FSTL4: variants seen among roughly 807,000 people sequenced by gnomAD.
FSTL4 encodes follistatin like 4.
A neutral mutation model predicts 78.2 loss-of-function variants in FSTL4; 28 were observed. The observed-to-expected ratio is 0.36, with a 90% CI of 0.27 to 0.49. The LOEUF (loss-of-function observed/expected upper bound fraction) is 0.49. FSTL4 is among the 20% of genes least tolerant of loss of function. The pLI is 0.98. For missense variants in FSTL4, 922 were observed against 1,084.9 expected, an observed-to-expected ratio of 0.85 and a Z score of 2.11; for synonymous variants, 422 against 440.5, an observed-to-expected ratio of 0.96 and a Z score of 0.53.
At chr5:133,466,074 G>A (rs1757700201) in intron 3 of FSTL4, among the ~76,000 whole-genome samples, 1 of 152,216 alleles carries the variant, frequency 6.6e-6, no homozygotes, top group Admixed American at 6.5e-5. Flanking sequence ...CATGGCCTCT[G>A]CCATCAAAGT....
chr5:133,550,417 A>T (rs1249095680), intron 3 of FSTL4, among the ~76,000 whole-genome samples: 1 of 152,168 alleles, frequency 6.6e-6, no homozygotes, highest in African/African-American at 2.4e-5. Flanking sequence ...GTAAGTATTC[A>T]CCAAAGACAT....
At chr5:133,446,400 A>G (rs1223341719) in intron 3 of FSTL4, among the ~76,000 whole-genome samples, 2 of 152,190 alleles carry the variant, frequency 1.3e-5, no homozygotes, top group African/African-American at 4.8e-5. Flanking sequence ...AGATCGAACC[A>G]TGCCACTGTG....
chr5:133,479,635 C>A (rs2112856686), intron 3 of FSTL4, among the ~76,000 whole-genome samples: 1 of 152,208 alleles, frequency 6.6e-6, no homozygotes, highest in African/African-American at 2.4e-5. Flanking sequence ...CCAGAGGAGG[C>A]AAGAGTACAG....
chr5:133,203,521 C>T (rs1750394630), intron 14 of FSTL4, among the ~76,000 whole-genome samples: 1 of 152,138 alleles, frequency 6.6e-6, no homozygotes, highest in South Asian at 2.1e-4. Flanking sequence ...GTGATGCAAG[C>T]CATGATTTTC....
chr5:133,667,278 A>G, the FSTL4 span, among the ~76,000 whole-genome samples: 1 of 152,056 alleles, frequency 6.6e-6, no homozygotes. Flanking sequence ...AGTTGTTATC[A>G]CTTCCACCAT....
At chr5:133,289,116 A>T (rs1025274079) in intron 6 of FSTL4, among the ~76,000 whole-genome samples, 75 of 152,182 alleles carry the variant, frequency 4.9e-4, no homozygotes, top group Admixed American at 2.2e-3. Context: ...GGGAACTGGG[A>T]TAACAGTGGG....
At chr5:133,641,205 ATAT>A in the FSTL4 span, among the ~76,000 whole-genome samples, 1 of 152,130 alleles carries the variant, frequency 6.6e-6, no homozygotes. Flanking sequence ...AGACCCAACC[ATAT>A]AGTGCCCACA....
chr5:133,555,838 A>T (rs1475242258), intron 3 of FSTL4, among the ~76,000 whole-genome samples: 2 of 152,244 alleles, frequency 1.3e-5, no homozygotes, highest in African/African-American at 4.8e-5. Context: ...ATTCAAATGA[A>T]GCAGCCAAGC....
the FSTL4 span, among the ~76,000 whole-genome samples, chr5:133,794,481 C>T: frequency 6.6e-6 from 1 of 152,226 alleles, no homozygotes; most frequent in African/African-American, 2.4e-5. Context: ...TTCTGTTCAA[C>T]CCACAGCAGA....
Position 133,312,592 on chromosome 5 carries a change from C to G in FSTL4, c.727+62G>C. ...CTGAGGACAGACTCCAGGCACCCAACAGCATTTTGGTGCAGAAGCACCTGC... is the reference window on the plus strand; with the variant it reads ...CTGAGGACAGACTCCAGGCACCCAAGAGCATTTTGGTGCAGAAGCACCTGC... On this transcript the variant is annotated intron_variant, in intron 6 of 15. Transcript: ENST00000265342. The G allele has an allele frequency of 2.0e-6, 3 of 1,533,282 alleles. No individual in the cohort carries two copies. In the South Asian group the frequency reaches 3.4e-5, roughly 17 times the overall value. The allele number at this position is 1,533,282 out of a possible 1,614,324, so 95.0% of individuals were successfully genotyped here. A position where few individuals can be genotyped will look rare whatever the true frequency, so the allele number is the denominator to read the frequency against.
intron 6 of FSTL4, among the ~76,000 whole-genome samples, chr5:133,265,795 C>T (rs897512556): frequency 6.6e-6 from 1 of 152,150 alleles, no homozygotes; most frequent in East Asian, 1.9e-4. Flanking sequence ...CACTGACAGG[C>T]CTGTCCCATG....
chr5:133,698,283 G>T, the FSTL4 span, among the ~76,000 whole-genome samples: 3 of 152,234 alleles, frequency 2.0e-5, no homozygotes, highest in Non-Finnish European at 4.4e-5. Flanking sequence ...TCCAGAGATG[G>T]CAGGAGAGCA....
At chr5:133,820,574 T>C in the FSTL4 span, among the ~76,000 whole-genome samples, 2 of 152,232 alleles carry the variant, frequency 1.3e-5, no homozygotes, top group Non-Finnish European at 2.9e-5. Context: ...GATTTATACA[T>C]TGCAGTGTTT....
chr5:133,258,991 C>T (rs1264025778), intron 6 of FSTL4, among the ~76,000 whole-genome samples: 1 of 152,184 alleles, frequency 6.6e-6, no homozygotes, highest in Non-Finnish European at 1.5e-5. Context: ...CACTCCACAT[C>T]TGTATCTGTT....
rs572325587 is a variant in FSTL4 at position 133,413,595 on chromosome 5, T to C, written c.161-12609A>G. Among the ~76,000 whole-genome samples, 146 of 152,348 alleles carry C rather than the reference T, an allele frequency of 9.6e-4. 2 individuals are homozygous for C. The highest frequency in any genetic ancestry group is 3.4e-3 in the Middle Eastern group (1 of 294). On this transcript the variant is annotated intron_variant, in intron 3 of 15. Transcript: ENST00000265342. ...TCTATCTTTCATCAGTTCTTGAACA[T>C]CCTTACCTATCTTCCATTAAATGGT...
chr5:133,352,255 T>C (rs1051714266), intron 4 of FSTL4, among the ~76,000 whole-genome samples: 5 of 140,844 alleles, frequency 3.6e-5, no homozygotes, highest in Admixed American at 7.0e-5. Context: ...TATACACACA[T>C]ATATATATAC....
At chr5:133,566,330 G>A (rs1401884262) in intron 3 of FSTL4, among the ~76,000 whole-genome samples, 3 of 152,170 alleles carry the variant, frequency 2.0e-5, no homozygotes, top group Admixed American at 6.5e-5. Context: ...AACTAATCAG[G>A]AGGCAAAGCA....
chr5:133,712,176 G>A, the FSTL4 span, among the ~76,000 whole-genome samples: 2 of 152,318 alleles, frequency 1.3e-5, no homozygotes, highest in South Asian at 2.1e-4. Flanking sequence ...ATCACCATGC[G>A]ATTTATGCAG....
At position 133,591,221 on chromosome 5, in the gene FSTL4, C is replaced by T. The variant is rs551756978; in HGVS notation, c.126+12637G>A. On this transcript the variant is annotated intron_variant, in intron 2 of 15. Transcript: ENST00000265342. ...GGATAAGTTGGGCTTCTGAGCTGCC[C>T]AGCCACAGACAGGCCGGGTTGGTGA... Among the ~76,000 whole-genome samples the T allele has an allele frequency of 3.9e-3, 596 of 152,252 alleles. 6 individuals are homozygous for T. The highest frequency in any genetic ancestry group is 0.013 in the African/African-American group (549 of 41,542).
Sources: allele counts gnomAD v4.1 joint callset (sites outside exome capture counted in the v4.1 genomes callset), GRCh38; gene constraint gnomAD v4.1.1; transcripts MANE v1.5; gene names NCBI Gene and HGNC (gene_info 2026-07-23, HGNC 2026-07-21).